Variants in CHST9 observed in about 807,000 individuals in gnomAD.
The protein encoded by CHST9 is carbohydrate sulfotransferase 9.
Under a neutral mutation model 44.4 loss-of-function variants are expected in CHST9, and 41 were observed. The ratio of observed to expected loss-of-function variants is 0.92; its 90% CI spans 0.72 to 1.20. The LOEUF (loss-of-function observed/expected upper bound fraction) is 1.20, where lower values mean the gene tolerates loss of function less well. Among genes scored for constraint, CHST9 ranks in the 50% most tolerant of loss-of-function variants. The pLI, the probability that CHST9 is intolerant of heterozygous loss-of-function variation, is 0.00. For synonymous variants in CHST9, 171 were observed against 178.4 expected (o/e 0.96, Z 0.33); for missense variants, 504 against 516.5 (o/e 0.98, Z 0.23).
intron 2 of CHST9, among the ~76,000 whole-genome samples, chr18:27,140,177 A>C (rs995524170): frequency 6.6e-6 from 1 of 152,158 alleles, no homozygotes; most frequent in Non-Finnish European, 1.5e-5. Context: ...AGAGGCGTGG[A>C]CCTCGTAGCA....
chr18:27,047,090 G>T (rs1016325900), intron 3 of CHST9, among the ~76,000 whole-genome samples: 7 of 152,028 alleles, frequency 4.6e-5, no homozygotes, highest in African/African-American at 1.7e-4. Flanking sequence ...AGGGAGTGGA[G>T]ATGCCTGAGT....
intron 2 of CHST9, among the ~76,000 whole-genome samples, chr18:27,079,669 A>G (rs1440859889): frequency 6.6e-6 from 1 of 152,226 alleles, no homozygotes; most frequent in East Asian, 1.9e-4. Context: ...AATCACAAAC[A>G]GTGGCTTAAA....
chr18:26,962,121 T>A (rs2056407757), intron 4 of CHST9, among the ~76,000 whole-genome samples: 1 of 152,106 alleles, frequency 6.6e-6, no homozygotes, highest in African/African-American at 2.4e-5. Context: ...GCTCCAGCTT[T>A]TAAACTGAGA....
chr18:27,090,391 T>C (rs1200305561), intron 2 of CHST9, among the ~76,000 whole-genome samples: 1 of 152,218 alleles, frequency 6.6e-6, no homozygotes, highest in Non-Finnish European at 1.5e-5. Context: ...TCCTATTCTC[T>C]AGGTTGCCTG....
chr18:27,068,121 G>A (rs1238201052), intron 2 of CHST9, among the ~76,000 whole-genome samples: 1 of 152,032 alleles, frequency 6.6e-6, no homozygotes, highest in African/African-American at 2.4e-5. Context: ...ACAGATACTC[G>A]AGTGGGAATT....
At chr18:27,036,230 A>G (rs936054752) in intron 3 of CHST9, among the ~76,000 whole-genome samples, 3 of 152,168 alleles carry the variant, frequency 2.0e-5, no homozygotes, top group Admixed American at 2.0e-4. Context: ...AAGAAGCAAG[A>G]GTCCTGCTTC....
chr18:27,019,930 G>A (rs1161685564), intron 4 of CHST9, among the ~76,000 whole-genome samples: 2 of 152,170 alleles, frequency 1.3e-5, no homozygotes, highest in Non-Finnish European at 2.9e-5. Flanking sequence ...ATTACAGGAG[G>A]AAATATAAGG....
chr18:27,093,544 C>T (rs2058088750), intron 2 of CHST9, among the ~76,000 whole-genome samples: 1 of 152,230 alleles, frequency 6.6e-6, no homozygotes, highest in Non-Finnish European at 1.5e-5. Flanking sequence ...GTGTGGGAGC[C>T]ACTGAGCCAG....
At chr18:27,049,752 A>G (rs564751665) in intron 2 of CHST9, among the ~76,000 whole-genome samples, 1 of 152,308 alleles carries the variant, frequency 6.6e-6, no homozygotes, top group Non-Finnish European at 1.5e-5. Flanking sequence ...GTGCTCAGTC[A>G]TAAAGCAAGT....
chr18:26,979,137 T>G (rs1369852223), intron 4 of CHST9, among the ~76,000 whole-genome samples: 3 of 152,164 alleles, frequency 2.0e-5, no homozygotes, highest in Non-Finnish European at 4.4e-5. Context: ...CCTATTTTGT[T>G]GTGAGAGTTT....
chr18:26,982,830 G>A (rs940369153), intron 4 of CHST9, among the ~76,000 whole-genome samples: 3 of 152,022 alleles, frequency 2.0e-5, no homozygotes, highest in Non-Finnish European at 4.4e-5. Flanking sequence ...GTTCTTCAAC[G>A]ATAAAATGGA....
chr18:27,092,125 G>C lies in CHST9; in HGVS notation c.122-43622C>G, dbSNP rs190463619. On this transcript the variant is annotated intron_variant, in intron 2 of 5. Transcript: ENST00000618847. ...AATTATTGCCTCAATTTCAGAGCCT[G>C]TTATTTGTCTATTCAGAGATTCAAC... Among the ~76,000 whole-genome samples the C allele has an allele frequency of 5.9e-5, 9 of 152,304 alleles. No homozygotes were observed. In the East Asian group the frequency reaches 1.5e-3, roughly 26 times the overall value.
intron 4 of CHST9, among the ~76,000 whole-genome samples, chr18:27,016,839 A>T (rs1379882868): frequency 6.6e-6 from 1 of 152,236 alleles, no homozygotes; most frequent in Admixed American, 6.5e-5. Flanking sequence ...ACTGATTTAC[A>T]GTATTGAATC....
At chr18:26,981,940 T>C (rs1479746250) in intron 4 of CHST9, among the ~76,000 whole-genome samples, 1 of 152,208 alleles carries the variant, frequency 6.6e-6, no homozygotes, top group East Asian at 1.9e-4. Flanking sequence ...ACCAGTCTTC[T>C]GTATTCCAGT....
intron 2 of CHST9, among the ~76,000 whole-genome samples, chr18:27,101,149 A>G (rs2058167099): frequency 6.6e-6 from 1 of 152,232 alleles, no homozygotes; most frequent in Non-Finnish European, 1.5e-5. Flanking sequence ...GAACAGCCAA[A>G]ATATAATTGA....
At chr18:27,054,455 T>A (rs1179358393) in intron 2 of CHST9, among the ~76,000 whole-genome samples, 3 of 149,684 alleles carry the variant, frequency 2.0e-5, no homozygotes, top group South Asian at 4.1e-4. Context: ...AAAATTGAAT[T>A]TGTAAGATAA....
intron 2 of CHST9, among the ~76,000 whole-genome samples, chr18:27,110,483 A>G (rs2143778909): frequency 6.6e-6 from 1 of 152,330 alleles, no homozygotes; most frequent in Admixed American, 6.5e-5. Flanking sequence ...ACCTGTCATC[A>G]TGTAACCAAA....
At chr18:27,179,100 C>CTA (rs752919033) in intron 1 of CHST9, among the ~76,000 whole-genome samples, 142 of 118,888 alleles carry the variant, frequency 1.2e-3, no homozygotes, top group African/African-American at 3.2e-3. Flanking sequence ...CTCTCTCTCT[C>CTA]TCTCTATATA....
At chr18:27,027,523 TTTATC>T (rs2057295851) in intron 3 of CHST9, among the ~76,000 whole-genome samples, 1 of 152,236 alleles carries the variant, frequency 6.6e-6, no homozygotes. Flanking sequence ...TGCCTTTTGT[TTTATC>T]TTTTCTTTTA....
Sources: allele counts gnomAD v4.1 joint callset (sites outside exome capture counted in the v4.1 genomes callset), GRCh38; gene constraint gnomAD v4.1.1; transcripts MANE v1.5; gene names NCBI Gene and HGNC (gene_info 2026-07-23, HGNC 2026-07-21).